Variants in CNTN4 observed in about 807,000 individuals in gnomAD.
CNTN4 encodes contactin-4.
CNTN4 carries 77 observed loss-of-function variants against 122.5 expected under a neutral mutation model. That is an observed-to-expected ratio of 0.63 (90% CI 0.52 to 0.76). CNTN4 has a LOEUF of 0.76. CNTN4 is among the 30% of genes least tolerant of loss of function. The probability of loss-of-function intolerance (pLI) is 0.00; values close to 1 mark genes in which losing one functional copy is unlikely to be tolerated. For synonymous variants in CNTN4, 512 were observed against 447.0 expected (o/e 1.15, Z -1.83); for missense variants, 1,256 against 1,259.1 (o/e 1.00, Z 0.04).
chr3:2,191,698 A>C (rs2037555528), intron 2 of CNTN4, among the ~76,000 whole-genome samples: 1 of 30,550 alleles, frequency 3.3e-5, no homozygotes, highest in South Asian at 2.3e-3. Flanking sequence ...TTCTATGTAT[A>C]TATATATATA....
chr3:2,914,223 G>A (rs943263471), intron 12 of CNTN4, among the ~76,000 whole-genome samples: 4 of 151,978 alleles, frequency 2.6e-5, no homozygotes, highest in East Asian at 1.9e-4. Flanking sequence ...TCAAGTCAAT[G>A]CCCTAACTTC....
intron 12 of CNTN4, among the ~76,000 whole-genome samples, chr3:2,916,369 C>T (rs1359924060): frequency 1.3e-5 from 2 of 148,680 alleles, no homozygotes; most frequent in African/African-American, 5.0e-5. Flanking sequence ...GTGTTTGTGT[C>T]CCTGGGTACT....
chr3:2,796,560 C>T (rs2092189141), intron 6 of CNTN4, among the ~76,000 whole-genome samples: 1 of 152,086 alleles, frequency 6.6e-6, no homozygotes, highest in African/African-American at 2.4e-5. Context: ...GCTAAATATA[C>T]TCCCAAGTTT....
chr3:2,862,753 G>GT (rs1418064592), intron 7 of CNTN4, among the ~76,000 whole-genome samples: 2 of 148,188 alleles, frequency 1.3e-5, no homozygotes, highest in African/African-American at 2.5e-5. Flanking sequence ...GCACAGAAAA[G>GT]TTTATTTTGT....
At chr3:2,247,655 A>G (rs746886198) in intron 2 of CNTN4, among the ~76,000 whole-genome samples, 29 of 152,122 alleles carry the variant, frequency 1.9e-4, no homozygotes, top group Middle Eastern at 3.4e-3. Flanking sequence ...AAACTGAGCT[A>G]TGGGGCAAAT....
intron 2 of CNTN4, among the ~76,000 whole-genome samples, chr3:2,133,449 T>C (rs1279873527): frequency 6.6e-6 from 1 of 152,196 alleles, no homozygotes; most frequent in Non-Finnish European, 1.5e-5. Flanking sequence ...AATGATGGTA[T>C]TTTGCAAATA....
intron 2 of CNTN4, among the ~76,000 whole-genome samples, chr3:2,234,757 C>T (rs148258618): frequency 1.6e-4 from 24 of 152,280 alleles, no homozygotes; most frequent in Non-Finnish European, 2.6e-4. Context: ...TCACAAAGAG[C>T]ATATTTCTCT....
intron 2 of CNTN4, among the ~76,000 whole-genome samples, chr3:2,200,217 G>A (rs1455496057): frequency 6.6e-6 from 1 of 152,126 alleles, no homozygotes; most frequent in Non-Finnish European, 1.5e-5. Flanking sequence ...GGAGATGGGT[G>A]GATAGATTTT....
rs186494565 is a variant in CNTN4, at chr3:2,685,085, G to C, written c.56-51130G>C. On this transcript the variant is annotated intron_variant, in intron 4 of 24. Coordinates refer to ENST00000418658, the MANE Select transcript of CNTN4 (RefSeq NM_175607.3). The stretch of plus-strand genomic sequence containing the variant: ...GGTCATGTGTATACATATACATTAA[G>C]ATCAGTAATATTTATCTGTCATCTT... Among the ~76,000 whole-genome samples the C allele has an allele frequency of 2.7e-3, 415 of 152,228 alleles. 1 individual carries two copies. Among genetic ancestry groups the C allele is most frequent in the African/African-American group, 9.2e-3 (384 of 41,542 alleles).
intron 3 of CNTN4, among the ~76,000 whole-genome samples, chr3:2,471,440 C>T (rs990817702): frequency 6.6e-6 from 1 of 152,174 alleles, no homozygotes; most frequent in African/African-American, 2.4e-5. Flanking sequence ...TTTATTTTCC[C>T]TAAAATGATA....
intron 14 of CNTN4, among the ~76,000 whole-genome samples, chr3:3,016,879 T>C (rs1341899038): frequency 6.6e-6 from 1 of 152,190 alleles, no homozygotes; most frequent in Non-Finnish European, 1.5e-5. Flanking sequence ...CAGGGGCGAT[T>C]TGTAAATTGC....
At chr3:2,582,830 T>C (rs1194789308) in intron 4 of CNTN4, among the ~76,000 whole-genome samples, 1 of 151,822 alleles carries the variant, frequency 6.6e-6, no homozygotes, top group Non-Finnish European at 1.5e-5. Context: ...AAAATCCATA[T>C]TGAGTCAGTA....
intron 4 of CNTN4, among the ~76,000 whole-genome samples, chr3:2,722,984 A>G (rs370699883): frequency 4.6e-5 from 7 of 152,292 alleles, no homozygotes; most frequent in Middle Eastern, 3.4e-3. Flanking sequence ...TCTGCTGTCT[A>G]TTGAAGGGAA....
chr3:2,875,920 T>C (rs1173328554), intron 8 of CNTN4, among the ~76,000 whole-genome samples: 1 of 152,214 alleles, frequency 6.6e-6, no homozygotes, highest in Non-Finnish European at 1.5e-5. Context: ...AGCTCATTAC[T>C]TCAGGAATTC....
chr3:2,267,805 C>G (rs562785152), intron 2 of CNTN4, among the ~76,000 whole-genome samples: 9 of 152,042 alleles, frequency 5.9e-5, no homozygotes, highest in African/African-American at 1.9e-4. Context: ...GATTCTACCA[C>G]CAAGAGTCAC....
intron 2 of CNTN4, among the ~76,000 whole-genome samples, chr3:2,313,366 C>G (rs1178231752): frequency 6.6e-6 from 1 of 151,798 alleles, no homozygotes; most frequent in Non-Finnish European, 1.5e-5. Context: ...CATTAATAAA[C>G]AAGATAACCT....
intron 4 of CNTN4, among the ~76,000 whole-genome samples, chr3:2,689,468 A>G (rs949452331): frequency 1.3e-5 from 2 of 152,110 alleles, no homozygotes; most frequent in African/African-American, 4.8e-5. Flanking sequence ...TTTTCCTCCC[A>G]GTCCAGAGGA....
At chr3:2,834,799 C>T (rs1392185906) in intron 7 of CNTN4, among the ~76,000 whole-genome samples, 3 of 145,096 alleles carry the variant, frequency 2.1e-5, no homozygotes, top group African/African-American at 7.7e-5. Flanking sequence ...AGACTACCAA[C>T]AAAACAGATT....
At chr3:2,813,420 T>A (rs2092658337) in intron 6 of CNTN4, among the ~76,000 whole-genome samples, 1 of 152,202 alleles carries the variant, frequency 6.6e-6, no homozygotes, top group Non-Finnish European at 1.5e-5. Flanking sequence ...AATTGGTATT[T>A]TTTTACTTGC....
Sources: allele counts gnomAD v4.1 joint callset (sites outside exome capture counted in the v4.1 genomes callset), GRCh38; gene constraint gnomAD v4.1.1; transcripts MANE v1.5; gene names NCBI Gene and HGNC (gene_info 2026-07-23, HGNC 2026-07-21).